Variants in CHRNG observed in about 807,000 individuals in gnomAD.
CHRNG encodes the protein acetylcholine receptor subunit gamma.
In CHRNG, 72 loss-of-function variants were observed where a neutral mutation model predicts 65.2. The observed-to-expected ratio is 1.10, with a 90% CI of 0.91 to 1.34. The LOEUF (loss-of-function observed/expected upper bound fraction) is 1.34. Ranked by LOEUF, CHRNG falls within the 40% of genes most tolerant of loss-of-function variation. The pLI is 0.00. For missense variants in CHRNG, 637 were observed against 680.1 expected (o/e 0.94, Z 0.70); for synonymous variants, 284 against 290.2 (o/e 0.98, Z 0.22).
Position 232,544,489 on chromosome 2 carries a change from G to T in CHRNG, c.1158G>T (p.Gly386=). The T allele has an allele frequency of 6.2e-7, 1 of 1,613,806 alleles. No homozygotes were observed. Among genetic ancestry groups the T allele is most frequent in the Non-Finnish European group, 8.5e-7 (1 of 1,179,972 alleles). The part of the protein sequence containing the change: ...NGSSGWSITT[G]EEVALCLPRS... ...CCTCGGGATGGTCGATCACAACTGG[G>T]GAGGAGGTGGCCCTCTGCCTGCCTC... Residue 386 remains glycine, a synonymous_variant, in exon 10 of 12, where the codon GGG becomes GGT. Transcript: ENST00000651502.
intron 1 of CHRNG, 28 bp downstream of exon 1, chr2:232,539,830 G>A (rs1211853989): frequency 6.2e-7 from 1 of 1,613,218 alleles, no homozygotes; most frequent in Admixed American, 1.7e-5. Flanking sequence ...CTCAGCCTGG[G>A]GAGTCCCAGA....
intron 5 of CHRNG, among the ~76,000 whole-genome samples, chr2:232,542,199 C>T (rs1692030535): frequency 6.6e-6 from 1 of 152,154 alleles, no homozygotes; most frequent in South Asian, 2.1e-4. Context: ...CAGGTGAGGG[C>T]CCTGCAGCCT....
chr2:232,545,570 C>A lies in CHRNG; in HGVS notation c.1408C>A (p.Arg470=), dbSNP rs121912671. 1.2e-6 allele frequency: 2 copies of A among 1,613,814 alleles called. No individual in the cohort carries two copies. Among genetic ancestry groups the A allele is most frequent in the East Asian group, 2.2e-5 (1 of 44,884 alleles). The change falls in exon 12 of 12, where the codon CGA becomes AGA. Residue 470 remains arginine (R), a synonymous_variant. Coordinates refer to ENST00000651502, the MANE Select transcript of CHRNG (RefSeq NM_005199.5). ...NGNEEWFLVG[R]VLDRVCFLAM... ...GAATGAGGAGTGGTTCCTGGTGGGC[C>A]GAGTGCTGGACCGCGTCTGCTTCCT...
rs1226099755 is a variant in CHRNG at position 232,540,056 on chromosome 2, C to A, written c.120C>A (p.Asn40Lys). The part of the protein sequence containing the change: ...LADLMQNYDP[N>K]LRPAERDSDV... The stretch of plus-strand genomic sequence containing the variant: ...ACCTGATGCAAAACTACGACCCCAA[C>A]CTGCGGCCCGCGGAACGAGACTCGG... Residue 40 changes from asparagine to lysine, a missense_variant, in exon 2 of 12, where the codon AAC becomes AAA. By Grantham distance (94) the Asn-to-Lys change is moderately conservative (BLOSUM62 0). Transcript: ENST00000651502. This position sits in a 1 kb window ranked among gnomAD's most constrained non-coding sequence, Gnocchi z 4.2. The A allele has an allele frequency of 2.5e-6, 4 of 1,614,102 alleles. No homozygotes were observed. Among genetic ancestry groups the A allele is most frequent in the East Asian group, 4.5e-5 (2 of 44,900 alleles).
chr2:232,542,669 C>A, intron 6 of CHRNG, 149 bp downstream of exon 6: 1 of 733,732 alleles, frequency 1.4e-6, no homozygotes, highest in Non-Finnish European at 2.4e-6. Flanking sequence ...TTTAAAACGT[C>A]CAACAAAGCT....
At chr2:232,543,896 A>T (rs954743084) in intron 9 of CHRNG, among the ~76,000 whole-genome samples, 197 bp downstream of exon 9, 1 of 152,272 alleles carries the variant, frequency 6.6e-6, no homozygotes, top group African/African-American at 2.4e-5. Flanking sequence ...TACAAATGTT[A>T]ATGTATTTCA....
rs774121021 is a variant in CHRNG, at chr2:232,544,476, C to T, written c.1145C>T (p.Ser382Leu). ...CTACAGAATGGCTCCTCGGGATGGT[C>T]GATCACAACTGGGGAGGAGGTGGCC... ...SRLQNGSSGWSITTGEEVALC... is the reference protein window; with the variant it reads ...SRLQNGSSGWLITTGEEVALC... Residue 382 changes from serine to leucine, a missense_variant, in exon 10 of 12, where the codon TCG becomes TTG. Coordinates refer to ENST00000651502, the MANE Select transcript of CHRNG (RefSeq NM_005199.5). 1.3e-4 allele frequency: 206 copies of T among 1,613,590 alleles called. No individual in the cohort carries two copies. Among genetic ancestry groups the T allele is most frequent in the Non-Finnish European group, 1.6e-4 (185 of 1,179,982 alleles).
At position 232,541,714 on chromosome 2, in the gene CHRNG, G is replaced by A; in HGVS notation, c.506+185G>A. On this transcript the variant is annotated intron_variant, in intron 5 of 11. Coordinates refer to ENST00000651502, the MANE Select transcript of CHRNG (RefSeq NM_005199.5). This position sits in a 1 kb window ranked among gnomAD's most constrained non-coding sequence, Gnocchi z 4.0. ...ACCTGAAGGTGCCCAAGCTCTCCCT[G>A]CTAAGCCCGAGTCCCCTCACTCATC... is the stretch of plus-strand genomic sequence containing the variant. 1.5e-6 allele frequency: 1 copy of A among 680,942 alleles called. No individual in the cohort carries two copies. The highest frequency in any genetic ancestry group is 2.5e-6 in the Non-Finnish European group (1 of 394,940). 42.2% of individuals were successfully genotyped at this position (680,942 alleles called of 1,614,324 possible). A position where few individuals can be genotyped will look rare whatever the true frequency, so the allele number is the denominator to read the frequency against.
At chr2:232,545,422 T>C (rs1692108629) in intron 11 of CHRNG, 121 bp from the exon 12 acceptor site, 4 of 914,268 alleles carry the variant, frequency 4.4e-6, no homozygotes, top group South Asian at 1.4e-5. Context: ...GACCCGGACA[T>C]AGGTAAGAAG....
Position 232,542,994 on chromosome 2 carries a change from C to T in CHRNG, c.717C>T (p.Arg239=). 2 of 1,614,236 alleles carry T rather than the reference C, an allele frequency of 1.2e-6. No homozygotes were observed. The highest frequency in any genetic ancestry group is 1.3e-5 in the African/African-American group (1 of 75,070). Residue 239 remains arginine (R), a synonymous_variant, in exon 7 of 12, where the codon CGC becomes CGT. Transcript: ENST00000651502. The part of the protein sequence containing the change: ...QKVVFYLLIQ[R]KPLFYVINII... ...TGGTGTTCTACCTGCTCATCCAGCG[C>T]AAGCCCCTCTTCTACGTCATCAACA... is the stretch of plus-strand genomic sequence containing the variant.
Position 232,547,016 on chromosome 2 carries a change from C to T in CHRNG, c.*1300C>T, listed in dbSNP as rs533854886. Among the ~76,000 whole-genome samples the T allele has an allele frequency of 2.0e-5, 3 of 152,230 alleles. No homozygotes were observed. The highest frequency in any genetic ancestry group is 1.3e-4 in the Admixed American group (2 of 15,292). On this transcript the variant is annotated 3_prime_UTR_variant, in exon 12 of 12. Transcript: ENST00000651502. ...CAAGGTCCTGCTCTGAGATTACAGCCGGCACACGAGTTTGGCTGGTAACCA... is the reference window on the plus strand; with the variant it reads ...CAAGGTCCTGCTCTGAGATTACAGCTGGCACACGAGTTTGGCTGGTAACCA...
In CHRNG at chr2:232,542,806, G is replaced by C. The variant is rs2697782; in HGVS notation, c.605-76G>C. 445,700 of 1,337,110 alleles carry C rather than the reference G, an allele frequency of 0.33. 76,386 individuals are homozygous for C. The highest frequency in any genetic ancestry group is 0.44 in the African/African-American group (30,917 of 69,546). 82.8% of individuals were successfully genotyped at this position (1,337,110 alleles called of 1,614,324 possible). On this transcript the variant is annotated intron_variant, in intron 6 of 11. Transcript: ENST00000651502. ...CCTTAGGGCACATGCTGCCCTTGCA[G>C]CTGGGTCACTCGGCTGCAGGGATCT...
rs373024081 is a variant in CHRNG, at chr2:232,540,091, A to G, written c.155A>G (p.Asn52Ser). 1 of 1,614,218 alleles carries G rather than the reference A, an allele frequency of 6.2e-7. No individual in the cohort carries two copies. Among genetic ancestry groups the G allele is most frequent in the Non-Finnish European group, 8.5e-7 (1 of 1,180,026 alleles). Residue 52 changes from asparagine to serine, a missense_variant, in exon 2 of 12, where the codon AAT becomes AGT. Coordinates refer to ENST00000651502, the MANE Select transcript of CHRNG (RefSeq NM_005199.5). This position sits in a 1 kb window ranked among gnomAD's most constrained non-coding sequence, Gnocchi z 4.2. ...RPAERDSDVVNVSLKLTLTNL... is the reference protein window; with the variant it reads ...RPAERDSDVVSVSLKLTLTNL... ...GCGGAACGAGACTCGGATGTGGTCA[A>G]TGTCAGCCTGAAGCTAACCCTCACC...
At chr2:232,543,996 A>G (rs948372854) in intron 9 of CHRNG, among the ~76,000 whole-genome samples, 4 of 152,220 alleles carry the variant, frequency 2.6e-5, no homozygotes, top group African/African-American at 9.6e-5. Context: ...GTGCACTACA[A>G]AGTCGAAAAA....
intron 8 of CHRNG, 72 bp from the exon 9 acceptor site, chr2:232,543,513 G>T (rs1692061899): frequency 3.2e-6 from 4 of 1,243,050 alleles, no homozygotes; most frequent in South Asian, 2.5e-5. Context: ...AGGCCTGAGG[G>T]GGGGCAGCCA....
At chr2:232,544,017 G>A (rs1252852911) in intron 9 of CHRNG, among the ~76,000 whole-genome samples, 1 of 152,228 alleles carries the variant, frequency 6.6e-6, no homozygotes, top group Non-Finnish European at 1.5e-5. Context: ...GCAGGAGTCT[G>A]CCAGGGCAGT....
rs1692047679 is a variant in CHRNG at position 232,542,963 on chromosome 2, A to G, written c.686A>G (p.Gln229Arg). 11 of 1,614,148 alleles carry G rather than the reference A, an allele frequency of 6.8e-6. No individual in the cohort carries two copies. Among genetic ancestry groups the G allele is most frequent in the Non-Finnish European group, 9.3e-6 (11 of 1,179,954 alleles). The change falls in exon 7 of 12, where the codon CAG (glutamine) becomes CGG (arginine). Residue 229 changes from glutamine (Q) to arginine (R), a missense_variant. By Grantham distance (43) the Gln-to-Arg change is conservative. Coordinates refer to ENST00000651502, the MANE Select transcript of CHRNG (RefSeq NM_005199.5). Reference protein sequence around the residue: ...PAAPAQEAGHQKVVFYLLIQR... With the variant: ...PAAPAQEAGHRKVVFYLLIQR... ...GCGCCAGCCCAGGAAGCAGGCCACC[A>G]GAAGGTGGTGTTCTACCTGCTCATC...
chr2:232,540,822 G>T lies in CHRNG; in HGVS notation c.350+111G>T. On this transcript the variant is annotated intron_variant, in intron 4 of 11. Transcript: ENST00000651502. The surrounding 1 kb of genome is among the most constrained non-coding windows in gnomAD (Gnocchi z 4.2). The stretch of plus-strand genomic sequence containing the variant: ...AAGATGAGCAGAGGGTGCAAATCGG[G>T]CACCTGTGGGGCTAGGGAAGAACTG... 2 of 1,002,072 alleles carry T rather than the reference G, an allele frequency of 2.0e-6. No individual in the cohort carries two copies. Among genetic ancestry groups the T allele is most frequent in the Non-Finnish European group, 3.0e-6 (2 of 663,074 alleles). The allele number at this position is 1,002,072 out of a possible 1,614,324, so 62.1% of individuals were successfully genotyped here. A position where few individuals can be genotyped will look rare whatever the true frequency, so the allele number is the denominator to read the frequency against.
chr2:232,548,070 A>C lies in CHRNG; in HGVS notation c.*2354A>C, dbSNP rs745780517. On this transcript the variant is annotated 3_prime_UTR_variant, in exon 12 of 12. Coordinates refer to ENST00000651502, the MANE Select transcript of CHRNG (RefSeq NM_005199.5). ...TCTAATAAAACAATATACATACCTA[A>C]ATTTAAAAATACTTTATTGCTAAAA... 78 of 599,428 alleles carry C rather than the reference A, an allele frequency of 1.3e-4. No individual in the cohort carries two copies. Among genetic ancestry groups the C allele is most frequent in the Non-Finnish European group, 2.2e-4 (77 of 347,354 alleles). 37.1% of individuals were successfully genotyped at this position (599,428 alleles called of 1,614,324 possible). A position where few individuals can be genotyped will look rare whatever the true frequency, so the allele number is the denominator to read the frequency against.
Sources: allele counts gnomAD v4.1 joint callset (sites outside exome capture counted in the v4.1 genomes callset), GRCh38; gene constraint gnomAD v4.1.1; non-coding constraint Gnocchi (gnomAD v3.1); transcripts MANE v1.5; gene names NCBI Gene and HGNC (gene_info 2026-07-23, HGNC 2026-07-21).